The following KCNMA1 variants were observed in gnomAD, a reference collection of about 807,000 sequenced individuals.
KCNMA1 encodes the protein potassium calcium-activated channel subfamily M alpha 1.
A neutral mutation model predicts 140.0 loss-of-function variants in KCNMA1; 29 were observed. That is an observed-to-expected ratio of 0.21 (90% CI 0.15 to 0.28). The LOEUF is 0.28. Among genes scored for constraint, KCNMA1 ranks in the 10% least tolerant of loss-of-function variants. The pLI is 1.00. For missense variants in KCNMA1, 880 were observed against 1,602.2 expected (o/e 0.55, Z 7.70); for synonymous variants, 612 against 611.9 (o/e 1.00, Z 0.00).
chr10:77,224,734 C>T (rs1280576477), intron 3 of KCNMA1, among the ~76,000 whole-genome samples: 1 of 152,114 alleles, frequency 6.6e-6, no homozygotes, highest in African/African-American at 2.4e-5. Flanking sequence ...GAGGTGTCAC[C>T]CATTCCCTAT....
At chr10:77,239,101 T>C (rs1784970090) in intron 3 of KCNMA1, among the ~76,000 whole-genome samples, 1 of 152,246 alleles carries the variant, frequency 6.6e-6, no homozygotes, top group Non-Finnish European at 1.5e-5. Flanking sequence ...GAAGACCACA[T>C]GGCTGCCTGG....
At chr10:76,930,263 C>T (rs1272039211) in intron 23 of KCNMA1, 1 of 152,154 alleles carries the variant, frequency 6.6e-6, no homozygotes, top group African/African-American at 2.4e-5. Flanking sequence ...ATATAAAGAA[C>T]TCATATACTC....
At chr10:77,256,794 T>C (rs543308193) in intron 2 of KCNMA1, among the ~76,000 whole-genome samples, 4 of 152,216 alleles carry the variant, frequency 2.6e-5, no homozygotes, top group African/African-American at 7.2e-5. Flanking sequence ...CCCAAAGGCA[T>C]AGGACTTTTT....
intron 1 of KCNMA1, among the ~76,000 whole-genome samples, chr10:77,524,361 G>A (rs1001459438): frequency 1.3e-5 from 2 of 152,184 alleles, no homozygotes; most frequent in Non-Finnish European, 2.9e-5. Flanking sequence ...CCATCCCCAC[G>A]GTAAGAGAAG....
intron 4 of KCNMA1, 112 bp from the exon 5 acceptor site, chr10:77,183,644 G>C: frequency 1.3e-6 from 1 of 748,754 alleles, no homozygotes; most frequent in African/African-American, 1.7e-5. Context: ...GGGCCACCAC[G>C]CCCGGCTAAT....
intron 2 of KCNMA1, among the ~76,000 whole-genome samples, chr10:77,387,545 C>CT (rs148154930): frequency 2.8e-4 from 31 of 109,658 alleles, no homozygotes; most frequent in Middle Eastern, 4.9e-3. Flanking sequence ...CTTTTCTTTT[C>CT]TTTTCTTTTC....
intron 19 of KCNMA1, chr10:76,974,568 C>G (rs960784345): frequency 6.5e-7 from 1 of 1,543,040 alleles, no homozygotes; most frequent in Admixed American, 2.0e-5. Flanking sequence ...CTAGCTGCAA[C>G]CTTGACTGCC....
intron 1 of KCNMA1, among the ~76,000 whole-genome samples, chr10:77,578,571 CTG>C (rs1286710271): frequency 6.6e-6 from 1 of 152,222 alleles, no homozygotes; most frequent in Non-Finnish European, 1.5e-5. Context: ...GCTGCTGGTG[CTG>C]TGAGCCTGGA....
At chr10:77,524,205 GC>G (rs1399377473) in intron 1 of KCNMA1, among the ~76,000 whole-genome samples, 2 of 152,206 alleles carry the variant, frequency 1.3e-5, no homozygotes, top group African/African-American at 4.8e-5. Flanking sequence ...GGGTTGTGGT[GC>G]AAAAATTCAC....
intron 3 of KCNMA1, among the ~76,000 whole-genome samples, chr10:77,230,537 A>T (rs1599388794): frequency 6.6e-6 from 1 of 152,224 alleles, no homozygotes; most frequent in East Asian, 1.9e-4. Flanking sequence ...TTTGTGGATG[A>T]GGAAAATGAG....
chr10:77,331,980 A>G (rs1298716014), intron 2 of KCNMA1, among the ~76,000 whole-genome samples: 1 of 152,184 alleles, frequency 6.6e-6, no homozygotes, highest in Non-Finnish European at 1.5e-5. Flanking sequence ...GACCATGCAC[A>G]TAGATGAGAT....
rs1482751858 is a variant in KCNMA1 at position 77,021,029 on chromosome 10, A to T, written c.1929-1930T>A. On this transcript the variant is annotated intron_variant, in intron 16 of 27. Coordinates refer to ENST00000286628, the MANE Select transcript of KCNMA1 (RefSeq NM_001161352.2). ...CTTTTTTTAATTCTTGCAAAAAAAA[A>T]TCCAAAGTGTATTTCATTTTCAACA... 3.3e-5 allele frequency: 5 copies of T among 152,322 alleles called. No individual in the cohort carries two copies. In the South Asian group the frequency reaches 1.0e-3, roughly 32 times the overall value. The allele number at this position is 152,322 out of a possible 1,614,324, so 9.4% of individuals were successfully genotyped here. A position where few individuals can be genotyped will look rare whatever the true frequency, so the allele number is the denominator to read the frequency against.
chr10:76,907,614 C>T (rs1317118043), intron 25 of KCNMA1, among the ~76,000 whole-genome samples: 1 of 152,170 alleles, frequency 6.6e-6, no homozygotes, highest in East Asian at 1.9e-4. Context: ...TATCATCTCA[C>T]AGCAACCTCC....
At chr10:77,016,888 T>C (rs2092145710) in intron 17 of KCNMA1, among the ~76,000 whole-genome samples, 1 of 152,150 alleles carries the variant, frequency 6.6e-6, no homozygotes, top group South Asian at 2.1e-4. Flanking sequence ...GCAAACTCGA[T>C]ACGAGATCAT....
chr10:77,108,373 A>G lies in KCNMA1; in HGVS notation c.1223+108T>C. The G allele has an allele frequency of 6.2e-7, 1 of 1,600,224 alleles. No homozygotes were observed. ...AATTTCGGGCACGTAGCGGGCAAAC[A>G]TTGCCTACATGCATGAAACAAAGAA... On this transcript the variant is annotated intron_variant, in intron 9 of 27. Transcript: ENST00000286628. The surrounding 1 kb of genome is among the most constrained non-coding windows in gnomAD (Gnocchi z 4.6).
At chr10:77,587,347 G>A (rs748801012) in intron 1 of KCNMA1, among the ~76,000 whole-genome samples, 3 of 152,036 alleles carry the variant, frequency 2.0e-5, no homozygotes, top group African/African-American at 4.8e-5. Flanking sequence ...CTCAGTAGGC[G>A]GAGATGAAAC....
chr10:77,625,815 T>C (rs1479104818), intron 1 of KCNMA1, among the ~76,000 whole-genome samples: 1 of 152,234 alleles, frequency 6.6e-6, no homozygotes, highest in East Asian at 1.9e-4. Context: ...AACATGGGTG[T>C]ACAAATATCT....
intron 1 of KCNMA1, among the ~76,000 whole-genome samples, chr10:77,564,026 T>C (rs2067290297): frequency 6.6e-6 from 1 of 152,200 alleles, no homozygotes; most frequent in South Asian, 2.1e-4. Flanking sequence ...ATGTACCTCC[T>C]TATTATTAGG....
At chr10:76,914,756 C>G in intron 24 of KCNMA1, 180 bp downstream of exon 24, 1 of 572,030 alleles carries the variant, frequency 1.7e-6, no homozygotes, top group Non-Finnish European at 3.2e-6. Flanking sequence ...AAAGATAGAT[C>G]AGTTTTCCCT....
Sources: gnomAD v4.1 joint callset for allele counts (sites outside exome capture counted in the v4.1 genomes callset) on GRCh38, gnomAD v4.1.1 for gene constraint, Gnocchi (gnomAD v3.1) non-coding constraint, MANE v1.5 for transcripts, NCBI Gene and HGNC (gene_info 2026-07-23, HGNC 2026-07-21) for gene names.